Variants in CIT observed in about 807,000 individuals in gnomAD.
CIT encodes citron Rho-interacting kinase.
In CIT, 79 loss-of-function variants were observed where a neutral mutation model predicts 272.7. That is an observed-to-expected ratio of 0.29 (90% confidence interval 0.24 to 0.35). The LOEUF is 0.35. Among genes scored for constraint, CIT ranks in the 10% least tolerant of loss-of-function variants. The probability of loss-of-function intolerance (pLI) is 1.00; values close to 1 mark genes in which losing one functional copy is unlikely to be tolerated. For missense variants in CIT, 1,909 were observed against 2,618.3 expected, an observed-to-expected ratio of 0.73 and a Z score of 5.91; for synonymous variants, 948 against 995.6, an observed-to-expected ratio of 0.95 and a Z score of 0.90.
Position 119,757,482 on chromosome 12 carries a change from A to G in CIT, c.2595T>C (p.Ala865=). 3 of 1,614,118 alleles carry G rather than the reference A, an allele frequency of 1.9e-6. No homozygotes were observed. Among genetic ancestry groups the G allele is most frequent in the Non-Finnish European group, 2.5e-6 (3 of 1,180,028 alleles). The stretch of plus-strand genomic sequence containing the variant: ...TTCGGTTCTGGGCCTCCAACTTCCC[A>G]GCCTGTGTCTCCAGGTAAAATTTCT... ...RQQKFYLETQ[A]GKLEAQNRKL... The change falls in exon 22 of 48, where the codon GCT becomes GCC. Residue 865 remains alanine, a synonymous_variant. Coordinates refer to ENST00000392521, the MANE Select transcript of CIT (RefSeq NM_001206999.2).
chr12:119,849,376 G>A (rs1414658165), intron 5 of CIT, among the ~76,000 whole-genome samples: 5 of 150,438 alleles, frequency 3.3e-5, no homozygotes, highest in Admixed American at 2.0e-4. Flanking sequence ...GCAGTGAGCC[G>A]AGATAGTGCC....
At position 119,687,878 on chromosome 12, in the gene CIT, T is replaced by C; in HGVS notation, c.*354A>G. 1 of 274,728 alleles carries C rather than the reference T, an allele frequency of 3.6e-6. No individual in the cohort carries two copies. Among genetic ancestry groups the C allele is most frequent in the Non-Finnish European group, 6.7e-6 (1 of 148,320 alleles). The allele number at this position is 274,728 out of a possible 1,614,324, so 17.0% of individuals were successfully genotyped here. A position where few individuals can be genotyped will look rare whatever the true frequency, so the allele number is the denominator to read the frequency against. On this transcript the variant is annotated 3_prime_UTR_variant, in exon 48 of 48. Transcript: ENST00000392521. The stretch of plus-strand genomic sequence containing the variant: ...ATCCTAGGATCTTAAAGTAGCTAAT[T>C]AGGATTCTAACCATGTTGTAGTTAG...
At chr12:119,726,010 ACGTG>A (rs1382840759) in intron 28 of CIT, among the ~76,000 whole-genome samples, 2 of 95,410 alleles carry the variant, frequency 2.1e-5, no homozygotes, top group Non-Finnish European at 4.1e-5. Flanking sequence ...CACCAAATAT[ACGTG>A]TGTGTGTGTG....
Position 119,761,045 on chromosome 12 carries a change from T to C in CIT, c.2315A>G (p.Asn772Ser), listed in dbSNP as rs1326463557. The C allele has an allele frequency of 6.2e-7, 1 of 1,612,386 alleles. No homozygotes were observed. The highest frequency in any genetic ancestry group is 2.2e-5 in the East Asian group (1 of 44,862). The change falls in exon 20 of 48, where the codon AAT becomes AGT. Residue 772 changes from asparagine to serine, a missense_variant. By Grantham distance (46) the Asn-to-Ser change is conservative (BLOSUM62 1). This residue lies in a region of CIT where 530 missense variants were observed against 822.4 expected (regional missense o/e 0.64). Transcript: ENST00000392521. ...GTCAGCCAGGTCTTTCTTTATCTGA[T>C]TGTCCAACACCTACAAAAACAAAAG... ...HYEEKIKVLD[N>S]QIKKDLADKE...
At chr12:119,838,261 C>T (rs906053305) in intron 5 of CIT, among the ~76,000 whole-genome samples, 3 of 151,888 alleles carry the variant, frequency 2.0e-5, no homozygotes, top group African/African-American at 7.3e-5. Context: ...TTAGTAGAGA[C>T]AGGATTTCAT....
rs1958221539 is a variant in CIT, at chr12:119,728,107, G to A, written c.3591+395C>T. 1.3e-5 allele frequency among the ~76,000 whole-genome samples: 2 copies of A among 152,196 alleles called. No homozygotes were observed. Among genetic ancestry groups the A allele is most frequent in the Non-Finnish European group, 2.9e-5 (2 of 68,028 alleles). On this transcript the variant is annotated intron_variant, in intron 28 of 47. Transcript: ENST00000392521. This position sits in a 1 kb window ranked among gnomAD's most constrained non-coding sequence, Gnocchi z 4.3. ...ACAGCAAAAAGATCAGTGGCTGCCA[G>A]GAGTTGAGGGTGGGGAGGGATGAAC...
chr12:119,850,588 T>C (rs1026810110), intron 4 of CIT, among the ~76,000 whole-genome samples: 2 of 152,096 alleles, frequency 1.3e-5, no homozygotes, highest in African/African-American at 4.8e-5. Context: ...TTCACCTACT[T>C]TGGTCACAAT....
rs1019114113 is a variant in CIT at position 119,759,822 on chromosome 12, T to TA, written c.2421+1116dup. 5.3e-4 allele frequency among the ~76,000 whole-genome samples: 81 copies of TA among 152,144 alleles called. 1 individual carries two copies. Among genetic ancestry groups the TA allele is most frequent in the African/African-American group, 1.8e-3 (76 of 41,488 alleles). ...TCTCTACAGCAAAGTTTCCCCAACT[T>TA]AAAAAATCATAAGAATTGGGGTGTG... On this transcript the variant is annotated intron_variant, in intron 20 of 47. Coordinates refer to ENST00000392521, the MANE Select transcript of CIT (RefSeq NM_001206999.2).
At chr12:119,725,292 G>T (rs1958029815) in intron 28 of CIT, among the ~76,000 whole-genome samples, 1 of 151,878 alleles carries the variant, frequency 6.6e-6, no homozygotes, top group Admixed American at 6.6e-5. Flanking sequence ...CGGGAGTGCT[G>T]GTGTATACCT....
At chr12:119,826,275 C>A (rs1193415733) in intron 7 of CIT, among the ~76,000 whole-genome samples, 2 of 152,084 alleles carry the variant, frequency 1.3e-5, no homozygotes, top group African/African-American at 4.8e-5. Context: ...GTGGTTCCCT[C>A]CCCCACCGTT....
chr12:119,792,677 G>T (rs145760362), intron 10 of CIT, among the ~76,000 whole-genome samples: 1,598 of 152,226 alleles, frequency 0.01, 21 homozygotes, highest in Non-Finnish European at 0.016. Context: ...TCACCACCCC[G>T]TTGGCAAGGA....
chr12:119,837,898 C>T (rs1244545388), intron 5 of CIT, among the ~76,000 whole-genome samples: 2 of 152,072 alleles, frequency 1.3e-5, no homozygotes, highest in African/African-American at 4.8e-5. Flanking sequence ...CCAGACCCCA[C>T]CTCTAATAAA....
intron 9 of CIT, among the ~76,000 whole-genome samples, chr12:119,813,265 A>C (rs1438206835): frequency 6.6e-6 from 1 of 152,240 alleles, no homozygotes; most frequent in Non-Finnish European, 1.5e-5. Context: ...CCAAACTGCC[A>C]GTGCTGTAGT....
At chr12:119,715,302 T>C (rs769100038) in intron 32 of CIT, among the ~76,000 whole-genome samples, 12 of 151,784 alleles carry the variant, frequency 7.9e-5, no homozygotes, top group Non-Finnish European at 1.6e-4. Flanking sequence ...GAAAATGGAT[T>C]AATGGATAAT....
At chr12:119,689,348 C>G (rs1339151959) in intron 47 of CIT, among the ~76,000 whole-genome samples, 1 of 151,578 alleles carries the variant, frequency 6.6e-6, no homozygotes, top group East Asian at 1.9e-4. Flanking sequence ...CGCCACTGCA[C>G]TCCAGCCTGG....
At chr12:119,749,256 A>G (rs895175405) in intron 23 of CIT, among the ~76,000 whole-genome samples, 1 of 152,208 alleles carries the variant, frequency 6.6e-6, no homozygotes, top group Non-Finnish European at 1.5e-5. Context: ...ACATTTGACT[A>G]TTCCCTTTTA....
intron 22 of CIT, 103 bp from the exon 23 acceptor site, chr12:119,752,350 G>T: frequency 8.9e-7 from 1 of 1,128,704 alleles, no homozygotes; most frequent in Non-Finnish European, 1.2e-6. Flanking sequence ...GCTGAAACCT[G>T]GTCTTGGAAC....
intron 5 of CIT, among the ~76,000 whole-genome samples, chr12:119,842,080 A>G (rs1969447350): frequency 6.6e-6 from 1 of 152,118 alleles, no homozygotes; most frequent in South Asian, 2.1e-4. Context: ...GAAAAACATC[A>G]GCACAAATAA....
intron 40 of CIT, among the ~76,000 whole-genome samples, chr12:119,707,133 C>G (rs1409342235): frequency 9.2e-5 from 14 of 152,054 alleles, no homozygotes; most frequent in African/African-American, 2.7e-4. Flanking sequence ...ACATGGAGAT[C>G]CACATTAGAT....
Sources: allele counts gnomAD v4.1 joint callset (sites outside exome capture counted in the v4.1 genomes callset), GRCh38; gene constraint gnomAD v4.1.1; regional missense constraint gnomAD v4.1.1; non-coding constraint Gnocchi (gnomAD v3.1); transcripts MANE v1.5; gene names NCBI Gene and HGNC (gene_info 2026-07-23, HGNC 2026-07-21).